The following BNC2 variants were observed in gnomAD, a reference collection of about 807,000 sequenced individuals.
BNC2 encodes basonuclin zinc finger protein 2.
A neutral mutation model predicts 76.3 loss-of-function variants in BNC2; 20 were observed. The observed-to-expected ratio is 0.26, with a 90% confidence interval of 0.18 to 0.38. The LOEUF (loss-of-function observed/expected upper bound fraction) is 0.38, where lower values mean the gene tolerates loss of function less well. BNC2 is among the 10% of genes least tolerant of loss of function. The probability of loss-of-function intolerance (pLI) is 1.00; values close to 1 mark genes in which losing one functional copy is unlikely to be tolerated. For synonymous variants in BNC2, 582 were observed against 514.8 expected (o/e 1.13, Z -1.77); for missense variants, 1,382 against 1,399.8 (o/e 0.99, Z 0.20).
At chr9:16,522,225 G>T (rs962220189) in intron 5 of BNC2, among the ~76,000 whole-genome samples, 1 of 152,242 alleles carries the variant, frequency 6.6e-6, no homozygotes, top group Non-Finnish European at 1.5e-5. Context: ...TCTGAGTCAG[G>T]AAAACCACAG....
chr9:16,579,829 A>C, intron 4 of BNC2: 1 of 318,878 alleles, frequency 3.1e-6, no homozygotes, highest in Non-Finnish European at 5.6e-6. Context: ...AAAGGAGGTC[A>C]ACAAATTTCT....
chr9:16,476,842 T>C (rs187492393), intron 5 of BNC2, among the ~76,000 whole-genome samples: 1 of 152,276 alleles, frequency 6.6e-6, no homozygotes, highest in Non-Finnish European at 1.5e-5. Flanking sequence ...AAATCGTATT[T>C]TTGAAAAAAG....
At chr9:16,561,627 C>T (rs1819019098) in intron 4 of BNC2, among the ~76,000 whole-genome samples, 1 of 152,148 alleles carries the variant, frequency 6.6e-6, no homozygotes, top group African/African-American at 2.4e-5. Context: ...AAGGTAGATA[C>T]TTGGCTTATA....
chr9:16,474,083 T>C (rs972741058), intron 5 of BNC2, among the ~76,000 whole-genome samples: 2 of 152,194 alleles, frequency 1.3e-5, no homozygotes, highest in East Asian at 3.8e-4. Context: ...ACACCCAATC[T>C]TGACTGATGT....
At chr9:16,829,059 ACCTGGGG>A (rs761462763) in intron 1 of BNC2, among the ~76,000 whole-genome samples, 7 of 152,002 alleles carry the variant, frequency 4.6e-5, no homozygotes, top group African/African-American at 9.7e-5. Context: ...GCACCAGGGG[ACCTGGGG>A]CCTGGGGCGG....
intron 5 of BNC2, among the ~76,000 whole-genome samples, chr9:16,489,084 A>C (rs1822221581): frequency 6.6e-6 from 1 of 152,244 alleles, no homozygotes; most frequent in South Asian, 2.1e-4. Context: ...TAAGCTTCTA[A>C]GTAACAATTA....
chr9:16,701,099 G>A (rs1255520447), intron 3 of BNC2, among the ~76,000 whole-genome samples: 2 of 152,122 alleles, frequency 1.3e-5, no homozygotes, highest in African/African-American at 4.8e-5. Flanking sequence ...TTAGGCTAAG[G>A]CTTTCTCATC....
At chr9:16,601,522 C>T (rs1327032790) in intron 3 of BNC2, among the ~76,000 whole-genome samples, 1 of 152,128 alleles carries the variant, frequency 6.6e-6, no homozygotes, top group Non-Finnish European at 1.5e-5. Flanking sequence ...TGAGGAGGGC[C>T]TCATGAGCTT....
chr9:16,798,416 T>TATCCCC (rs1389117985), intron 1 of BNC2, among the ~76,000 whole-genome samples: 2 of 152,160 alleles, frequency 1.3e-5, no homozygotes, highest in East Asian at 3.9e-4. Flanking sequence ...GATTTTCACA[T>TATCCCC]ATCCCCACAA....
chr9:16,544,128 A>G (rs1160938408), intron 5 of BNC2, among the ~76,000 whole-genome samples: 2 of 152,112 alleles, frequency 1.3e-5, no homozygotes, highest in African/African-American at 4.8e-5. Context: ...GGTGATCTGA[A>G]TATTTTTGTA....
intron 1 of BNC2, among the ~76,000 whole-genome samples, chr9:16,761,271 A>G (rs2135383413): frequency 6.6e-6 from 1 of 152,160 alleles, no homozygotes; most frequent in East Asian, 1.9e-4. Flanking sequence ...AACAACAACA[A>G]AGTTTTCACA....
intron 5 of BNC2, among the ~76,000 whole-genome samples, chr9:16,485,693 A>G (rs1298331517): frequency 6.6e-6 from 1 of 152,148 alleles, no homozygotes; most frequent in Non-Finnish European, 1.5e-5. Context: ...GTGGTGGTGC[A>G]TGCCTGTAGT....
chr9:16,416,975 G>T lies in BNC2; in HGVS notation c.*2014C>A, dbSNP rs76814594. ...AAATAATTACAAAAACATGAAAAAT[G>T]GAAACGACATAAAAGTTAAAATAAA... On this transcript the variant is annotated 3_prime_UTR_variant, in exon 7 of 7. Coordinates refer to ENST00000380672, the MANE Select transcript of BNC2 (RefSeq NM_017637.6). 6.6e-6 allele frequency: 1 copy of T among 152,498 alleles called. No homozygotes were observed. The highest frequency in any genetic ancestry group is 2.4e-5 in the African/African-American group (1 of 41,442). 9.4% of individuals were successfully genotyped at this position (152,498 alleles called of 1,614,324 possible). A position where few individuals can be genotyped will look rare whatever the true frequency, so the allele number is the denominator to read the frequency against.
chr9:16,506,908 C>T (rs1822641088), intron 5 of BNC2, among the ~76,000 whole-genome samples: 2 of 151,912 alleles, frequency 1.3e-5, no homozygotes, highest in Non-Finnish European at 2.9e-5. Flanking sequence ...CATGCCACCA[C>T]ACTCGGCTAA....
intron 5 of BNC2, among the ~76,000 whole-genome samples, chr9:16,445,879 G>A (rs918460176): frequency 1.3e-5 from 2 of 152,170 alleles, no homozygotes; most frequent in Non-Finnish European, 2.9e-5. Flanking sequence ...AGTTCATCCA[G>A]ATAATAAAGG....
chr9:16,542,269 CA>C (rs531196885), intron 5 of BNC2, among the ~76,000 whole-genome samples: 3 of 151,962 alleles, frequency 2.0e-5, no homozygotes, highest in Non-Finnish European at 4.4e-5. Flanking sequence ...AAATACATCC[CA>C]GACAATGTTT....
intron 5 of BNC2, among the ~76,000 whole-genome samples, chr9:16,510,741 T>C (rs968894335): frequency 2.6e-4 from 40 of 152,302 alleles, no homozygotes; most frequent in African/African-American, 9.4e-4. Context: ...ACAAATGTTA[T>C]CAAATTTTAT....
At chr9:16,856,368 C>CCG (rs1819258401) in intron 1 of BNC2, among the ~76,000 whole-genome samples, 1 of 152,130 alleles carries the variant, frequency 6.6e-6, no homozygotes, top group African/African-American at 2.4e-5. Flanking sequence ...CGACTGGTTG[C>CCG]TGTTTACAGA....
At chr9:16,550,854 G>T (rs987029957) in intron 5 of BNC2, among the ~76,000 whole-genome samples, 2 of 152,180 alleles carry the variant, frequency 1.3e-5, no homozygotes, top group East Asian at 1.9e-4. Context: ...ACAAACAACT[G>T]TAAGAGGTTT....
Sources: gnomAD v4.1 joint callset for allele counts (sites outside exome capture counted in the v4.1 genomes callset) on GRCh38, gnomAD v4.1.1 for gene constraint, MANE v1.5 for transcripts, NCBI Gene and HGNC (gene_info 2026-07-23, HGNC 2026-07-21) for gene names.